UVRAG: variants seen among roughly 807,000 people sequenced by gnomAD.
UVRAG encodes the protein UV radiation resistance-associated gene protein.
UVRAG carries 19 observed loss-of-function variants against 78.0 expected under a neutral mutation model. The ratio of observed to expected loss-of-function variants is 0.24; its 90% CI spans 0.17 to 0.36. UVRAG has a LOEUF of 0.36. UVRAG is among the 10% of genes least tolerant of loss of function. The probability of loss-of-function intolerance (pLI) is 1.00; values close to 1 mark genes in which losing one functional copy is unlikely to be tolerated. For synonymous variants in UVRAG, 323 were observed against 324.6 expected, an observed-to-expected ratio of 1.00 and a Z score of 0.05; for missense variants, 740 against 853.8, an observed-to-expected ratio of 0.87 and a Z score of 1.66.
In UVRAG at chr11:76,142,300, C is replaced by T. The variant is rs572988739; in HGVS notation, c.*887C>T. 3 of 152,268 alleles carry T rather than the reference C, an allele frequency of 2.0e-5. No individual in the cohort carries two copies. Among genetic ancestry groups the T allele is most frequent in the Admixed American group, 6.5e-5 (1 of 15,300 alleles). 9.4% of individuals were successfully genotyped at this position (152,268 alleles called of 1,614,324 possible). ...GGCAATGCACTCACCAGACAAAAAT[C>T]CCTTGATGTAAATCCCATGTTAATT... On this transcript the variant is annotated 3_prime_UTR_variant, in exon 15 of 15. Coordinates refer to ENST00000356136, the MANE Select transcript of UVRAG (RefSeq NM_003369.4).
intron 12 of UVRAG, among the ~76,000 whole-genome samples, chr11:76,044,167 CCTCCTCTAAGGA>C (rs1490232498): frequency 2.0e-5 from 3 of 152,096 alleles, no homozygotes; most frequent in African/African-American, 4.8e-5. Context: ...GGCATTCCTC[CCTCCTCTAAGGA>C]CTCCTCTAAG....
intron 13 of UVRAG, among the ~76,000 whole-genome samples, chr11:76,078,752 C>CAAAAAAAAAAAAA (rs61700855): frequency 5.4e-5 from 2 of 37,202 alleles, no homozygotes; most frequent in African/African-American, 6.8e-5. Flanking sequence ...ACTAAAAATA[C>CAAAAAAAAAAAAA]AAAAAAAAAA....
At chr11:75,886,056 T>TC (rs753753973) in intron 4 of UVRAG, among the ~76,000 whole-genome samples, 1 of 152,026 alleles carries the variant, frequency 6.6e-6, no homozygotes, top group Non-Finnish European at 1.5e-5. Context: ...TTGGATAGAG[T>TC]AGGGGTACCA....
rs551152770 is a variant in UVRAG, at chr11:76,067,776, C to T, written c.1305+1988C>T. Among the ~76,000 whole-genome samples, 11 of 151,680 alleles carry T rather than the reference C, an allele frequency of 7.3e-5. No homozygotes were observed. The South Asian group carries it at 2.1e-3, about 29-fold the overall frequency. ...TCTGTCTCAAAAAAAAAAAAGTGCT[C>T]GGACTAAGACTGCACTAAGGAAGAA... On this transcript the variant is annotated intron_variant, in intron 13 of 14. Transcript: ENST00000356136.
intron 11 of UVRAG, among the ~76,000 whole-genome samples, chr11:76,014,683 G>C (rs1200538864): frequency 6.6e-6 from 1 of 152,194 alleles, no homozygotes; most frequent in Non-Finnish European, 1.5e-5. Flanking sequence ...ATCACTCATA[G>C]TTTCTACCTA....
intron 7 of UVRAG, among the ~76,000 whole-genome samples, chr11:75,964,145 T>C (rs1948965811): frequency 1.3e-5 from 2 of 152,234 alleles, no homozygotes; most frequent in Non-Finnish European, 1.5e-5. Context: ...GGATTTAATT[T>C]GTTAAAAAAT....
intron 2 of UVRAG, among the ~76,000 whole-genome samples, chr11:75,856,646 A>G (rs1210056598): frequency 6.6e-6 from 1 of 152,008 alleles, no homozygotes; most frequent in Non-Finnish European, 1.5e-5. Flanking sequence ...GAGTTTTGCC[A>G]TGTTGTCTAG....
intron 12 of UVRAG, among the ~76,000 whole-genome samples, chr11:76,062,863 T>C (rs1951120090): frequency 6.6e-6 from 1 of 152,216 alleles, no homozygotes; most frequent in Non-Finnish European, 1.5e-5. Context: ...AGTAAGGATA[T>C]GAGTGTTCTT....
At chr11:76,065,288 G>A (rs774546937) in intron 12 of UVRAG, among the ~76,000 whole-genome samples, 4 of 152,178 alleles carry the variant, frequency 2.6e-5, no homozygotes, top group Non-Finnish European at 5.9e-5. Flanking sequence ...CTTATATATT[G>A]CTTCTAAGTC....
intron 7 of UVRAG, among the ~76,000 whole-genome samples, chr11:75,980,522 A>T (rs767685200): frequency 6.6e-6 from 1 of 152,126 alleles, no homozygotes; most frequent in African/African-American, 2.4e-5. Context: ...CTTTCAAAGA[A>T]TTGGTTTATA....
intron 2 of UVRAG, among the ~76,000 whole-genome samples, chr11:75,855,483 G>T (rs1006205044): frequency 6.6e-6 from 1 of 152,212 alleles, no homozygotes; most frequent in African/African-American, 2.4e-5. Flanking sequence ...CATGAACTTT[G>T]TTGGGCTTTA....
intron 12 of UVRAG, among the ~76,000 whole-genome samples, chr11:76,046,568 A>G (rs1266437847): frequency 1.3e-5 from 2 of 152,256 alleles, no homozygotes; most frequent in Non-Finnish European, 2.9e-5. Context: ...CAAAAAAATA[A>G]CATGGTTATA....
intron 8 of UVRAG, among the ~76,000 whole-genome samples, chr11:75,987,199 T>C (rs1358272438): frequency 6.6e-6 from 1 of 152,220 alleles, no homozygotes. Context: ...CCACAACAGC[T>C]GTTTTACATT....
intron 7 of UVRAG, among the ~76,000 whole-genome samples, chr11:75,967,445 C>T (rs2135226006): frequency 6.6e-6 from 1 of 152,224 alleles, no homozygotes; most frequent in South Asian, 2.1e-4. Flanking sequence ...CATTTAAAAG[C>T]AGATGTGTTA....
At chr11:76,110,191 G>GAA (rs1952044757) in intron 13 of UVRAG, among the ~76,000 whole-genome samples, 1 of 136,720 alleles carries the variant, frequency 7.3e-6, no homozygotes, top group South Asian at 2.2e-4. Flanking sequence ...ATAATGTGGA[G>GAA]AATATATATA....
chr11:75,839,078 T>G (rs2135837209), intron 1 of UVRAG: 1 of 152,376 alleles, frequency 6.6e-6, no homozygotes, highest in East Asian at 1.9e-4. Context: ...TAACTTGCAT[T>G]TCTCTTATGA....
intron 13 of UVRAG, among the ~76,000 whole-genome samples, chr11:76,075,385 C>T (rs532360481): frequency 6.6e-5 from 10 of 152,078 alleles, no homozygotes; most frequent in South Asian, 2.1e-4. Flanking sequence ...CCGAGGTGGG[C>T]GGATCACTTG....
intron 12 of UVRAG, among the ~76,000 whole-genome samples, chr11:76,047,589 C>T (rs1950784068): frequency 6.6e-6 from 1 of 152,104 alleles, no homozygotes; most frequent in Non-Finnish European, 1.5e-5. Flanking sequence ...TTTCACCTGG[C>T]CAGATGTAGA....
rs115568358 is a variant in UVRAG at position 75,858,966 on chromosome 11, A to C, written c.236-2780A>C. Among the ~76,000 whole-genome samples, 766 of 152,344 alleles carry C rather than the reference A, an allele frequency of 5.0e-3. 7 individuals are homozygous for C. Among genetic ancestry groups the C allele is most frequent in the African/African-American group, 0.017 (722 of 41,578 alleles). ...GAACAGCCAAAATATGCCACTTGAA[A>C]CATACTCTGCAATCTGTGATTGCTT... is the stretch of plus-strand genomic sequence containing the variant. On this transcript the variant is annotated intron_variant, in intron 2 of 14. Transcript: ENST00000356136.
Sources: allele counts gnomAD v4.1 joint callset (sites outside exome capture counted in the v4.1 genomes callset), GRCh38; gene constraint gnomAD v4.1.1; transcripts MANE v1.5; gene names NCBI Gene and HGNC (gene_info 2026-07-23, HGNC 2026-07-21).